The following SEMA3D variants were observed in gnomAD, a reference collection of about 807,000 sequenced individuals.
SEMA3D encodes the protein semaphorin 3D.
In SEMA3D, 84 loss-of-function variants were observed where a neutral mutation model predicts 100.1. That is an observed-to-expected ratio of 0.84 (90% CI 0.70 to 1.01). The LOEUF is 1.01. SEMA3D is among the 50% of genes least tolerant of loss of function. The pLI is 0.00. For synonymous variants in SEMA3D, 312 were observed against 320.7 expected (o/e 0.97, Z 0.29); for missense variants, 875 against 934.1 (o/e 0.94, Z 0.82).
chr7:85,043,926 A>G (rs1790932258), intron 9 of SEMA3D, among the ~76,000 whole-genome samples: 1 of 152,128 alleles, frequency 6.6e-6, no homozygotes, highest in Admixed American at 6.6e-5. Context: ...CAGAAGCGTG[A>G]AAACAGACTA....
At chr7:85,022,717 T>C in intron 12 of SEMA3D, 104 bp from the exon 13 acceptor site, 1 of 732,808 alleles carries the variant, frequency 1.4e-6, no homozygotes, top group Middle Eastern at 3.9e-4. Flanking sequence ...TAATATTAAA[T>C]GAATGGACAA....
rs1056713165 is a variant in SEMA3D at position 85,120,555 on chromosome 7, C to G, written c.151+1186G>C. 2.0e-5 allele frequency among the ~76,000 whole-genome samples: 3 copies of G among 151,094 alleles called. No individual in the cohort carries two copies. In the East Asian group the frequency reaches 5.9e-4, roughly 30 times the overall value. ...TGGTGGTGGGCACCTGTAATCCCAGCTACTCAGGAGGCTGAGGTGGGAGAG... is the reference window on the plus strand; with the variant it reads ...TGGTGGTGGGCACCTGTAATCCCAGGTACTCAGGAGGCTGAGGTGGGAGAG... On this transcript the variant is annotated intron_variant, in intron 3 of 18. Coordinates refer to ENST00000284136, the MANE Select transcript of SEMA3D (RefSeq NM_001384900.1).
At chr7:85,183,026 G>A (rs1159939680) in intron 1 of SEMA3D, among the ~76,000 whole-genome samples, 1 of 152,150 alleles carries the variant, frequency 6.6e-6, no homozygotes, top group Admixed American at 6.6e-5. Flanking sequence ...GTCAACATTT[G>A]CTTTTCCAAA....
chr7:85,014,520 G>T (rs1790043387), intron 16 of SEMA3D, among the ~76,000 whole-genome samples: 1 of 151,724 alleles, frequency 6.6e-6, no homozygotes, highest in African/African-American at 2.4e-5. Context: ...ATAAAGCAAT[G>T]AACTACAAAC....
In SEMA3D at chr7:85,049,896, A is replaced by G. The variant is rs531406843; in HGVS notation, c.861+5821T>C. The stretch of plus-strand genomic sequence containing the variant: ...CTGCAAAACAAAAAAGAGAACTGGC[A>G]TAACCTACAGCTGGAATCTGGAGTA... On this transcript the variant is annotated intron_variant, in intron 9 of 18. Transcript: ENST00000284136. Among the ~76,000 whole-genome samples the G allele has an allele frequency of 7.2e-5, 11 of 151,992 alleles. No homozygotes were observed. The South Asian group carries it at 2.3e-3, about 31-fold the overall frequency.
At chr7:85,066,295 G>A (rs1411087773) in intron 7 of SEMA3D, among the ~76,000 whole-genome samples, 8 of 151,978 alleles carry the variant, frequency 5.3e-5, no homozygotes, top group Admixed American at 4.6e-4. Context: ...GAAGGAAAGG[G>A]AGGAGGAGAG....
chr7:85,170,313 T>C (rs745628958), intron 1 of SEMA3D, among the ~76,000 whole-genome samples: 7 of 152,018 alleles, frequency 4.6e-5, no homozygotes, highest in South Asian at 2.1e-4. Context: ...CATCTTCCTT[T>C]AGCAGGAAAA....
At chr7:85,208,528 G>C in the SEMA3D span, among the ~76,000 whole-genome samples, 3 of 151,980 alleles carry the variant, frequency 2.0e-5, no homozygotes, top group Admixed American at 6.6e-5. Flanking sequence ...TTTGGATTTG[G>C]TTTCACGTTT....
intron 15 of SEMA3D, among the ~76,000 whole-genome samples, chr7:85,016,593 C>A (rs1436953226): frequency 1.3e-5 from 2 of 151,610 alleles, no homozygotes; most frequent in Non-Finnish European, 2.9e-5. Context: ...CACTTCTTTC[C>A]TGGATTACTT....
intron 1 of SEMA3D, among the ~76,000 whole-genome samples, chr7:85,155,197 T>TAA (rs1326005668): frequency 6.6e-6 from 1 of 152,064 alleles, no homozygotes; most frequent in Non-Finnish European, 1.5e-5. Context: ...CCATCTGACT[T>TAA]AAAAAAAGTT....
the SEMA3D span, among the ~76,000 whole-genome samples, chr7:85,197,390 T>A: frequency 6.6e-6 from 1 of 152,210 alleles, no homozygotes; most frequent in Non-Finnish European, 1.5e-5. Flanking sequence ...TCCCAGGTTT[T>A]TAGATAAACC....
At chr7:85,054,520 T>C (rs1170257464) in intron 9 of SEMA3D, among the ~76,000 whole-genome samples, 1 of 152,054 alleles carries the variant, frequency 6.6e-6, no homozygotes, top group Non-Finnish European at 1.5e-5. Context: ...ATCTGTCCCC[T>C]GGGGGTGAGG....
intron 1 of SEMA3D, among the ~76,000 whole-genome samples, chr7:85,179,806 C>T (rs9969222): frequency 8.6e-4 from 131 of 151,984 alleles, no homozygotes; most frequent in African/African-American, 1.4e-3. Context: ...GGATTACAGG[C>T]GCCCGCCACT....
intron 1 of SEMA3D, among the ~76,000 whole-genome samples, chr7:85,181,529 A>T (rs1791410893): frequency 6.6e-6 from 1 of 152,172 alleles, no homozygotes; most frequent in Admixed American, 6.5e-5. Context: ...TATAAATAAG[A>T]GATTGAATAA....
the SEMA3D span, among the ~76,000 whole-genome samples, chr7:85,203,815 A>T: frequency 1.3e-5 from 2 of 152,084 alleles, no homozygotes; most frequent in South Asian, 4.1e-4. Context: ...GGGGAAAACA[A>T]AAACAAAAAC....
chr7:85,143,541 T>C (rs1330291899), intron 2 of SEMA3D, among the ~76,000 whole-genome samples: 1 of 152,096 alleles, frequency 6.6e-6, no homozygotes, highest in Admixed American at 6.6e-5. Flanking sequence ...TTTAAACTTA[T>C]CTAAACATAG....
chr7:85,168,657 C>A (rs1790980693), intron 1 of SEMA3D, among the ~76,000 whole-genome samples: 1 of 144,808 alleles, frequency 6.9e-6, no homozygotes, highest in African/African-American at 2.5e-5. Flanking sequence ...ATTACTTTTG[C>A]ACCAACCTAA....
chr7:85,242,939 G>GTA, the SEMA3D span, among the ~76,000 whole-genome samples: 6 of 152,100 alleles, frequency 3.9e-5, no homozygotes, highest in Non-Finnish European at 8.8e-5. Context: ...AGGAACTGTG[G>GTA]TATAAGGCTT....
intron 17 of SEMA3D, among the ~76,000 whole-genome samples, chr7:85,010,400 G>C (rs116351936): frequency 0.011 from 1,646 of 150,854 alleles, 30 homozygotes; most frequent in African/African-American, 0.038. Flanking sequence ...GCTAGTAAGT[G>C]GGGTATACAA....
Sources: allele counts gnomAD v4.1 joint callset (sites outside exome capture counted in the v4.1 genomes callset), GRCh38; gene constraint gnomAD v4.1.1; transcripts MANE v1.5; gene names NCBI Gene and HGNC (gene_info 2026-07-23, HGNC 2026-07-21).